The following PPP3CA variants were observed in gnomAD, a reference collection of about 807,000 sequenced individuals.
The protein encoded by PPP3CA is protein phosphatase 3 catalytic subunit alpha.
Under a neutral mutation model 66.5 loss-of-function variants are expected in PPP3CA, and 14 were observed. The ratio of observed to expected loss-of-function variants is 0.21; its 90% CI spans 0.14 to 0.33. The LOEUF (loss-of-function observed/expected upper bound fraction) is 0.33, where lower values mean the gene tolerates loss of function less well. Among genes scored for constraint, PPP3CA ranks in the 10% least tolerant of loss-of-function variants. The pLI, the probability that PPP3CA is intolerant of heterozygous loss-of-function variation, is 1.00. For missense variants in PPP3CA, 317 were observed against 639.5 expected (o/e 0.50, Z 5.44); for synonymous variants, 232 against 226.2 (o/e 1.03, Z -0.23).
intron 12 of PPP3CA, 152 bp from the exon 13 acceptor site, chr4:101,029,347 TAAA>T (rs34620032): frequency 6.4e-3 from 504 of 79,202 alleles, no homozygotes; most frequent in Middle Eastern, 0.02. Context: ...ACAGAAATGC[TAAA>T]AAAAAAAAAA....
intron 3 of PPP3CA, chr4:101,108,052 T>C (rs1721495025): frequency 6.6e-6 from 1 of 152,238 alleles, no homozygotes; most frequent in South Asian, 2.1e-4. Flanking sequence ...TCTGCCTTTA[T>C]TTTGAATGTA....
chr4:101,323,583 C>G (rs186545196), intron 1 of PPP3CA, among the ~76,000 whole-genome samples: 28 of 152,248 alleles, frequency 1.8e-4, no homozygotes, highest in Admixed American at 4.6e-4. Context: ...CCTATTTTAA[C>G]CTAAATAATC....
chr4:101,121,744 A>G (rs1302471194), intron 2 of PPP3CA, among the ~76,000 whole-genome samples: 1 of 152,200 alleles, frequency 6.6e-6, no homozygotes, highest in East Asian at 1.9e-4. Flanking sequence ...TTTAAAAATA[A>G]TGAGTAACTT....
intron 7 of PPP3CA, among the ~76,000 whole-genome samples, chr4:101,081,580 AAAC>A (rs1424595516): frequency 6.6e-6 from 1 of 152,214 alleles, no homozygotes; most frequent in Non-Finnish European, 1.5e-5. Flanking sequence ...TACCTCTTCA[AAAC>A]AACATTTTAT....
intron 1 of PPP3CA, among the ~76,000 whole-genome samples, chr4:101,220,691 T>C (rs1725598209): frequency 6.8e-6 from 1 of 147,256 alleles, no homozygotes; most frequent in Non-Finnish European, 1.5e-5. Context: ...CTGATTCACC[T>C]GAGGACAGTG....
At chr4:101,322,664 C>T (rs950032344) in intron 1 of PPP3CA, among the ~76,000 whole-genome samples, 3 of 152,126 alleles carry the variant, frequency 2.0e-5, no homozygotes, top group Non-Finnish European at 4.4e-5. Flanking sequence ...TCCGACCCAG[C>T]CTCCCAAAGA....
intron 2 of PPP3CA, among the ~76,000 whole-genome samples, chr4:101,183,294 G>A (rs1362786756): frequency 1.3e-5 from 2 of 152,102 alleles, no homozygotes; most frequent in African/African-American, 4.8e-5. Context: ...GCAAGAAGGG[G>A]AAAGGGAAGC....
At chr4:101,038,601 C>T (rs1449934954) in intron 11 of PPP3CA, among the ~76,000 whole-genome samples, 5 of 151,962 alleles carry the variant, frequency 3.3e-5, no homozygotes, top group Admixed American at 3.3e-4. Flanking sequence ...AACTTCTGAC[C>T]TTGTGATCTG....
In PPP3CA at chr4:101,342,787, C is replaced by T. The variant is rs574075871; in HGVS notation, c.58+3952G>A. Reference sequence around the variant, plus strand: ...CACCACAAATAAATGACATTATTTACTACTCTGTTGCATCAAGGTCTAAAC... The same window carrying T: ...CACCACAAATAAATGACATTATTTATTACTCTGTTGCATCAAGGTCTAAAC... On this transcript the variant is annotated intron_variant, in intron 1 of 13. Transcript: ENST00000394854. 7.9e-5 allele frequency among the ~76,000 whole-genome samples: 12 copies of T among 152,276 alleles called. No homozygotes were observed. The South Asian group carries it at 2.5e-3, about 32-fold the overall frequency.
rs1251069663 is a variant in PPP3CA at position 101,214,386 on chromosome 4, G to A, written c.59-18270C>T. ...AAAAACTTAAAACAATGCCTGACAT[G>A]TACTAAGTGGTCAATAAACATTTAT... is the stretch of plus-strand genomic sequence containing the variant. On this transcript the variant is annotated intron_variant, in intron 1 of 13. Coordinates refer to ENST00000394854, the MANE Select transcript of PPP3CA (RefSeq NM_000944.5). Among the ~76,000 whole-genome samples the A allele has an allele frequency of 3.9e-5, 6 of 152,176 alleles. No homozygotes were observed. In the South Asian group the frequency reaches 8.3e-4, roughly 21 times the overall value.
chr4:101,123,674 T>C (rs868733375), intron 2 of PPP3CA, among the ~76,000 whole-genome samples: 1 of 152,034 alleles, frequency 6.6e-6, no homozygotes, highest in South Asian at 2.1e-4. Flanking sequence ...CTACAAAATA[T>C]ACAAAAAAAC....
intron 2 of PPP3CA, among the ~76,000 whole-genome samples, chr4:101,121,586 A>G (rs1235334644): frequency 6.6e-6 from 1 of 152,154 alleles, no homozygotes. Flanking sequence ...TCTAAATAAT[A>G]GCTAAGTACA....
Position 101,346,924 on chromosome 4 carries a change from G to T in PPP3CA, c.-128C>A. ...CGCCGCGCTGCAAACCGCTCGGCTG[G>T]AGGTCTAGGCTCTGAGCTGGCTTTA... On this transcript the variant is annotated 5_prime_UTR_variant, in exon 1 of 14. Transcript: ENST00000394854. 9.1e-7 allele frequency: 1 copy of T among 1,104,004 alleles called. No individual in the cohort carries two copies. Among genetic ancestry groups the T allele is most frequent in the Non-Finnish European group, 1.3e-6 (1 of 755,184 alleles). 68.4% of individuals were successfully genotyped at this position (1,104,004 alleles called of 1,614,324 possible). A position where few individuals can be genotyped will look rare whatever the true frequency, so the allele number is the denominator to read the frequency against.
chr4:101,124,312 A>T (rs1722127362), intron 2 of PPP3CA, among the ~76,000 whole-genome samples: 3 of 152,156 alleles, frequency 2.0e-5, no homozygotes, highest in Non-Finnish European at 4.4e-5. Flanking sequence ...TTACATATTA[A>T]TGAAGTACAT....
intron 2 of PPP3CA, among the ~76,000 whole-genome samples, chr4:101,124,348 T>C (rs1020938712): frequency 1.3e-5 from 2 of 152,000 alleles, no homozygotes; most frequent in Non-Finnish European, 2.9e-5. Context: ...GGGCTGGGTG[T>C]GGTGGCTCAT....
chr4:101,123,912 G>C (rs2659544), intron 2 of PPP3CA, among the ~76,000 whole-genome samples: 19,628 of 152,156 alleles, frequency 0.13, 2,286 homozygotes, highest in African/African-American at 0.3. Flanking sequence ...TAAAGTTGTA[G>C]TAACTTGTAC....
chr4:101,138,699 A>C (rs1179105053), intron 2 of PPP3CA, among the ~76,000 whole-genome samples: 2 of 152,210 alleles, frequency 1.3e-5, no homozygotes, highest in Non-Finnish European at 2.9e-5. Context: ...GTATAACAAA[A>C]GCATTCCACT....
intron 1 of PPP3CA, among the ~76,000 whole-genome samples, chr4:101,245,134 G>A (rs531538166): frequency 4.6e-5 from 7 of 152,142 alleles, no homozygotes; most frequent in Admixed American, 1.3e-4. Flanking sequence ...AAGATAAAAA[G>A]AAAGCAATCT....
intron 3 of PPP3CA, among the ~76,000 whole-genome samples, chr4:101,105,166 TC>T (rs1730606391): frequency 6.6e-6 from 1 of 151,246 alleles, no homozygotes; most frequent in African/African-American, 2.4e-5. Flanking sequence ...TTCTTTTTTT[TC>T]CTTTTTTTTT....
Sources: gnomAD v4.1 joint callset for allele counts (sites outside exome capture counted in the v4.1 genomes callset) on GRCh38, gnomAD v4.1.1 for gene constraint, MANE v1.5 for transcripts, NCBI Gene and HGNC (gene_info 2026-07-23, HGNC 2026-07-21) for gene names.